TRAT1: variants seen among roughly 807,000 people sequenced by gnomAD.
The protein encoded by TRAT1 is T cell receptor associated transmembrane adaptor 1, also known as T-cell receptor-associated transmembrane adapter 1.
A neutral mutation model predicts 20.0 loss-of-function variants in TRAT1; 20 were observed. The ratio of observed to expected loss-of-function variants is 1.00; its 90% CI spans 0.70 to 1.45. The LOEUF (loss-of-function observed/expected upper bound fraction) is 1.45. Ranked by LOEUF, TRAT1 falls within the 40% of genes most tolerant of loss-of-function variation. The probability of loss-of-function intolerance (pLI) is 0.00; values close to 1 mark genes in which losing one functional copy is unlikely to be tolerated. For synonymous variants in TRAT1, 77 were observed against 74.2 expected (o/e 1.04, Z -0.20); for missense variants, 237 against 224.1 (o/e 1.06, Z -0.37).
At position 108,822,794 on chromosome 3, in the gene TRAT1, T is replaced by C. The variant is rs529585433; in HGVS notation, c.-134T>C. ...AAGAGAAAAGAATCCGAGGCACAGA[T>C]AAAGATAAGTTTTACTGTCATGCTG... On this transcript the variant is annotated 5_prime_UTR_variant, in exon 1 of 6. Transcript: ENST00000295756. 3.2e-4 allele frequency: 203 copies of C among 641,068 alleles called. 1 individual carries two copies. The African/African-American group carries it at 3.5e-3, about 11-fold the overall frequency. 39.7% of individuals were successfully genotyped at this position (641,068 alleles called of 1,614,324 possible).
At position 108,838,963 on chromosome 3, in the gene TRAT1, AC is replaced by A; in HGVS notation, c.150del (p.Arg51GlyfsTer16). On this transcript the variant is annotated frameshift_variant, in exon 3 of 6. Coordinates refer to ENST00000295756, the MANE Select transcript of TRAT1 (RefSeq NM_016388.4). LOFTEE classifies it high-confidence loss of function. ...AATGTACAGCTACTCCAGTGACCACACCAGGTATGTTGTGATTCAGTCATGG... is the reference window on the plus strand; with the variant it reads ...AATGTACAGCTACTCCAGTGACCACACAGGTATGTTGTGATTCAGTCATGG... ...DKMYSYSSDH[T>X]RVDEYYIEDT... is the part of the protein sequence containing the mutation. 1.2e-6 allele frequency: 2 copies of A among 1,606,646 alleles called. No individual in the cohort carries two copies. The highest frequency in any genetic ancestry group is 2.2e-5 in the South Asian group (2 of 90,844).
chr3:108,824,274 T>C (rs1343820607), intron 1 of TRAT1, among the ~76,000 whole-genome samples: 1 of 152,184 alleles, frequency 6.6e-6, no homozygotes, highest in Admixed American at 6.5e-5. Flanking sequence ...TTTCTAGAAC[T>C]GAAATTATTA....
At chr3:108,844,918 T>C (rs1449308621) in intron 3 of TRAT1, among the ~76,000 whole-genome samples, 1 of 146,012 alleles carries the variant, frequency 6.8e-6, no homozygotes, top group Non-Finnish European at 1.5e-5. Flanking sequence ...ACCATAGTAA[T>C]AGATATAATT....
At chr3:108,837,510 A>C (rs1319329778) in intron 2 of TRAT1, among the ~76,000 whole-genome samples, 1 of 152,228 alleles carries the variant, frequency 6.6e-6, no homozygotes, top group East Asian at 1.9e-4. Flanking sequence ...ATTTAACTAA[A>C]ATAAGTTTTG....
chr3:108,831,959 A>G (rs1945798461), intron 2 of TRAT1, among the ~76,000 whole-genome samples: 1 of 152,210 alleles, frequency 6.6e-6, no homozygotes, highest in Non-Finnish European at 1.5e-5. Flanking sequence ...AAACTAAGTT[A>G]ACAAAATTAA....
At chr3:108,836,175 C>T (rs1197538581) in intron 2 of TRAT1, among the ~76,000 whole-genome samples, 1 of 152,136 alleles carries the variant, frequency 6.6e-6, no homozygotes, top group Admixed American at 6.5e-5. Context: ...ACCTTGGCCT[C>T]CCAAAGTGCT....
intron 2 of TRAT1, among the ~76,000 whole-genome samples, chr3:108,832,410 A>G (rs1467627525): frequency 1.3e-5 from 2 of 152,228 alleles, no homozygotes; most frequent in Non-Finnish European, 2.9e-5. Context: ...ATATTTTCAA[A>G]TAAACATAAA....
chr3:108,841,160 G>T (rs1392886091), intron 3 of TRAT1, among the ~76,000 whole-genome samples: 4 of 152,168 alleles, frequency 2.6e-5, no homozygotes, highest in African/African-American at 7.2e-5. Flanking sequence ...GTCACCCAGA[G>T]AACTGTCCTG....
In TRAT1 at chr3:108,838,512, G is replaced by A. The variant is rs148402874; in HGVS notation, c.119-422G>A. Reference sequence around the variant, plus strand: ...GATAAAAACTTATAAGAATGCAGAGGTGTTTCATGGAACCCAAAGGCAGAA... The same window carrying A: ...GATAAAAACTTATAAGAATGCAGAGATGTTTCATGGAACCCAAAGGCAGAA... On this transcript the variant is annotated intron_variant, in intron 2 of 5. Coordinates refer to ENST00000295756, the MANE Select transcript of TRAT1 (RefSeq NM_016388.4). Among the ~76,000 whole-genome samples the A allele has an allele frequency of 3.9e-5, 6 of 152,198 alleles. No individual in the cohort carries two copies. In the East Asian group the frequency reaches 9.6e-4, roughly 24 times the overall value.
chr3:108,822,847 T>C lies in TRAT1; in HGVS notation c.-81T>C, dbSNP rs1945704831. 8 of 1,274,228 alleles carry C rather than the reference T, an allele frequency of 6.3e-6. No homozygotes were observed. The highest frequency in any genetic ancestry group is 2.3e-5 in the East Asian group (1 of 43,078). The allele number at this position is 1,274,228 out of a possible 1,614,324, so 78.9% of individuals were successfully genotyped here. ...TTTAACATAACAGAGCAACATCACC[T>C]AGGAAAAAAGTTTGTAGGAGGATTT... is the stretch of plus-strand genomic sequence containing the variant. On this transcript the variant is annotated 5_prime_UTR_variant, in exon 1 of 6. Transcript: ENST00000295756.
chr3:108,828,871 TTGAAAACATAAC>T (rs144479683), intron 1 of TRAT1, among the ~76,000 whole-genome samples: 6,109 of 152,260 alleles, frequency 0.04, 163 homozygotes, highest in Middle Eastern at 0.1. Flanking sequence ...TTAAGAAATT[TTGAAAACATAAC>T]TGGGACATGT....
intron 3 of TRAT1, among the ~76,000 whole-genome samples, chr3:108,844,859 A>AG (rs1559824229): frequency 6.7e-6 from 1 of 149,478 alleles, no homozygotes; most frequent in Non-Finnish European, 1.5e-5. Flanking sequence ...AAAAAAAAAA[A>AG]AAAAAAAAAA....
At chr3:108,829,475 T>C (rs141996819) in intron 1 of TRAT1, among the ~76,000 whole-genome samples, 183 of 151,952 alleles carry the variant, frequency 1.2e-3, no homozygotes, top group African/African-American at 4.2e-3. Context: ...TCCCAGCTAC[T>C]TGGGAGGCTG....
chr3:108,849,981 T>C (rs1945982969), intron 5 of TRAT1, among the ~76,000 whole-genome samples: 1 of 152,250 alleles, frequency 6.6e-6, no homozygotes, highest in African/African-American at 2.4e-5. Context: ...AGATCCTGTC[T>C]TGTTACTGCC....
intron 2 of TRAT1, among the ~76,000 whole-genome samples, 166 bp from the exon 3 acceptor site, chr3:108,838,768 C>A (rs1046165261): frequency 6.6e-5 from 10 of 151,946 alleles, no homozygotes; most frequent in African/African-American, 2.4e-4. Context: ...ATCTGATTGG[C>A]CCAAGAGGAG....
At chr3:108,829,586 AAC>A (rs144318236) in intron 1 of TRAT1, among the ~76,000 whole-genome samples, 61 of 142,556 alleles carry the variant, frequency 4.3e-4, no homozygotes, top group African/African-American at 1.1e-3. Context: ...TCCATCTCAA[AAC>A]ACACACACAC....
At chr3:108,847,385 A>G in intron 4 of TRAT1, 1 of 341,076 alleles carries the variant, frequency 2.9e-6, no homozygotes, top group Non-Finnish European at 5.3e-6. Context: ...ATGAGAATAC[A>G]GGAAGACTAT....
chr3:108,843,452 C>T (rs1415935794), intron 3 of TRAT1, among the ~76,000 whole-genome samples: 2 of 152,060 alleles, frequency 1.3e-5, no homozygotes, highest in Admixed American at 1.3e-4. Context: ...ATCACTTGAA[C>T]CCAGGAGGCG....
intron 2 of TRAT1, among the ~76,000 whole-genome samples, chr3:108,837,446 G>C (rs916164159): frequency 5.3e-5 from 8 of 152,260 alleles, no homozygotes; most frequent in Non-Finnish European, 8.8e-5. Flanking sequence ...CCACTAATGT[G>C]TCTTTAACAG....
Sources: gnomAD v4.1 joint callset for allele counts (sites outside exome capture counted in the v4.1 genomes callset) on GRCh38, gnomAD v4.1.1 for gene constraint, MANE v1.5 for transcripts, NCBI Gene and HGNC (gene_info 2026-07-23, HGNC 2026-07-21) for gene names.